The following ANTXRL variants were observed in gnomAD, a reference collection of about 807,000 sequenced individuals.
ANTXRL encodes the protein ANTXR like.
In ANTXRL, 63 loss-of-function variants were observed where a neutral mutation model predicts 75.4. That is an observed-to-expected ratio of 0.84 (90% confidence interval 0.68 to 1.03). ANTXRL has a LOEUF of 1.03. Ranked by LOEUF, ANTXRL falls within the 50% of genes least tolerant of loss-of-function variation. ANTXRL has a pLI of 0.00. For synonymous variants in ANTXRL, 335 were observed against 291.3 expected (o/e 1.15, Z -1.53); for missense variants, 797 against 789.4 (o/e 1.01, Z -0.12).
chr10:46,313,717 C>T (rs1255951482), intron 16 of ANTXRL, among the ~76,000 whole-genome samples: 30 of 152,162 alleles, frequency 2.0e-4, no homozygotes, highest in African/African-American at 6.8e-4. Flanking sequence ...CAGTAATGTA[C>T]GCAGTCCTCC....
intron 15 of ANTXRL, among the ~76,000 whole-genome samples, chr10:46,312,646 C>T (rs1409350571): frequency 2.7e-5 from 4 of 146,660 alleles, no homozygotes; most frequent in African/African-American, 1.0e-4. Context: ...CACCTGCCAG[C>T]GGCCTGCACT....
chr10:46,316,314 G>A (rs1838721824), intron 16 of ANTXRL, among the ~76,000 whole-genome samples: 1 of 151,998 alleles, frequency 6.6e-6, no homozygotes, highest in African/African-American at 2.4e-5. Context: ...CTTAAGGTGG[G>A]CCAGACACTG....
At chr10:46,289,179 C>T (rs58273609) in intron 1 of ANTXRL, among the ~76,000 whole-genome samples, 5,074 of 152,204 alleles carry the variant, frequency 0.033, 186 homozygotes, top group East Asian at 0.12. Flanking sequence ...TCATTATTCA[C>T]TTGTTCATTG....
In ANTXRL at chr10:46,306,581, T is replaced by TC. The variant is rs112369794; in HGVS notation, c.896-220dup. The stretch of plus-strand genomic sequence containing the variant: ...GTCCCGTGCAATCCCTAAAGGTGAG[T>TC]CCTTGAGAGCAGGGACTCTGCCTGC... On this transcript the variant is annotated intron_variant, in intron 10 of 16. Coordinates refer to ENST00000620264, the MANE Select transcript of ANTXRL (RefSeq NM_001278688.3). Among the ~76,000 whole-genome samples the TC allele has an allele frequency of 3.8e-3, 576 of 151,854 alleles. 5 individuals carry two copies. The highest frequency in any genetic ancestry group is 0.013 in the African/African-American group (549 of 41,186).
chr10:46,324,163 G>T (rs1839104357), intron 16 of ANTXRL, among the ~76,000 whole-genome samples: 1 of 152,122 alleles, frequency 6.6e-6, no homozygotes, highest in Non-Finnish European at 1.5e-5. Context: ...GAGTGGGAGA[G>T]CATAACAGGT....
In ANTXRL at chr10:46,314,199, T is replaced by C. The variant is rs537791647; in HGVS notation, c.1410+883T>C. Among the ~76,000 whole-genome samples, 25 of 152,206 alleles carry C rather than the reference T, an allele frequency of 1.6e-4. 1 individual carries two copies. Among genetic ancestry groups the C allele is most frequent in the Middle Eastern group, 6.8e-3 (2 of 294 alleles). On this transcript the variant is annotated intron_variant, in intron 16 of 16. Transcript: ENST00000620264. ...GCCTCTGGATGCTGCTGATAAGAAA[T>C]GGGCCGGGAGCCCCTGGGAGGCGTG...
chr10:46,310,593 A>G, intron 14 of ANTXRL, 94 bp downstream of exon 14: 1 of 1,323,014 alleles, frequency 7.6e-7, no homozygotes, highest in South Asian at 1.3e-5. Flanking sequence ...CATGATCTCC[A>G]TCTGCTTGAG....
chr10:46,291,466 C>A (rs1588782161), intron 1 of ANTXRL, among the ~76,000 whole-genome samples: 2 of 151,416 alleles, frequency 1.3e-5, no homozygotes, highest in South Asian at 4.2e-4. Context: ...TTTATTTCTG[C>A]AAAAAATGCT....
chr10:46,326,148 G>T (rs1216596604), intron 16 of ANTXRL, among the ~76,000 whole-genome samples: 2 of 151,814 alleles, frequency 1.3e-5, no homozygotes, highest in Non-Finnish European at 2.9e-5. Context: ...AATGTTAGTG[G>T]ACTCATAGTA....
At chr10:46,294,745 G>A (rs1376604576) in intron 3 of ANTXRL, among the ~76,000 whole-genome samples, 1 of 152,182 alleles carries the variant, frequency 6.6e-6, no homozygotes, top group Non-Finnish European at 1.5e-5. Flanking sequence ...ACCCAGACGG[G>A]GAGCGGGGTT....
intron 9 of ANTXRL, among the ~76,000 whole-genome samples, chr10:46,302,340 AC>A (rs1837801876): frequency 6.6e-6 from 1 of 152,070 alleles, no homozygotes; most frequent in Non-Finnish European, 1.5e-5. Flanking sequence ...CTCCGCTTAC[AC>A]CTGACATCAG....
Position 46,290,717 on chromosome 10 carries a change from A to C in ANTXRL, c.249-1341A>C, listed in dbSNP as rs1836948743. On this transcript the variant is annotated intron_variant, in intron 1 of 16. Transcript: ENST00000620264. ...GCATCTTTTCATGTGCTTATTGGCC[A>C]TTTGCATATCTTCTTTGAGGAAATG... Among the ~76,000 whole-genome samples, 3 of 152,094 alleles carry C rather than the reference A, an allele frequency of 2.0e-5. No individual in the cohort carries two copies. In the South Asian group the frequency reaches 6.2e-4, roughly 31 times the overall value.
chr10:46,295,414 G>C, intron 3 of ANTXRL, among the ~76,000 whole-genome samples: 1 of 151,712 alleles, frequency 6.6e-6, no homozygotes, highest in Non-Finnish European at 1.5e-5. Context: ...ATTGACAGTG[G>C]CTGACTCTCA....
At chr10:46,307,618 A>G (rs1349775641) in intron 12 of ANTXRL, 138 bp downstream of exon 12, 74 of 836,774 alleles carry the variant, frequency 8.8e-5, no homozygotes, top group Non-Finnish European at 1.2e-4. Flanking sequence ...GGCTGCTCCA[A>G]CCCGGCTTCT....
rs1167200423 is a variant in ANTXRL at position 46,313,260 on chromosome 10, C to T, written c.1354C>T (p.Leu452Phe). Residue 452 changes from leucine (L) to phenylalanine (F), a missense_variant, in exon 16 of 17, where the codon CTC (leucine) becomes TTC (phenylalanine). Leu to Phe is a conservative substitution (Grantham distance 22). This residue lies in a region of ANTXRL where 479 missense variants were observed against 422.0 expected (regional missense o/e 1.14). Coordinates refer to ENST00000620264, the MANE Select transcript of ANTXRL (RefSeq NM_001278688.3). ...GGGCAATCTGGATACCTTTTGTGAC[C>T]TCTCTCACGCAAGCTGCCACCAGGT... The part of the protein sequence containing the change: ...IEGNLDTFCD[L>F]SHASCHQVPW... The T allele has an allele frequency of 1.3e-6, 2 of 1,535,742 alleles. No homozygotes were observed. Among genetic ancestry groups the T allele is most frequent in the Non-Finnish European group, 1.7e-6 (2 of 1,146,738 alleles).
intron 3 of ANTXRL, among the ~76,000 whole-genome samples, chr10:46,294,329 G>A (rs1588794705): frequency 6.6e-6 from 1 of 152,122 alleles, no homozygotes; most frequent in Admixed American, 6.5e-5. Flanking sequence ...GCTGGTGGTG[G>A]GAGTAGTGGG....
intron 14 of ANTXRL, among the ~76,000 whole-genome samples, chr10:46,311,150 A>C (rs9663162): frequency 0.18 from 27,518 of 151,790 alleles, 2,130 homozygotes; most frequent in Middle Eastern, 0.2. Context: ...GGAACAGGCA[A>C]CCCTGGCCAA....
chr10:46,287,233 G>A lies in ANTXRL; in HGVS notation c.-30G>A. The A allele has an allele frequency of 1.3e-6, 2 of 1,532,968 alleles. No homozygotes were observed. The highest frequency in any genetic ancestry group is 1.7e-6 in the Non-Finnish European group (2 of 1,145,454). 95.0% of individuals were successfully genotyped at this position (1,532,968 alleles called of 1,614,324 possible). ...TGGGCCCTGGCACAGGCACCCAAGA[G>A]TGAGGTGGGGTCACAGGGACAGCCA... On this transcript the variant is annotated 5_prime_UTR_variant, in exon 1 of 17. It adds an upstream start codon to the 5' untranslated region. Transcript: ENST00000620264.
intron 10 of ANTXRL, among the ~76,000 whole-genome samples, 172 bp downstream of exon 10, chr10:46,302,992 T>C (rs1161670810): frequency 6.6e-6 from 1 of 152,042 alleles, no homozygotes; most frequent in Non-Finnish European, 1.5e-5. Context: ...CACCCCTCCC[T>C]TCATCTGCCA....
Sources: allele counts gnomAD v4.1 joint callset (sites outside exome capture counted in the v4.1 genomes callset), GRCh38; gene constraint gnomAD v4.1.1; regional missense constraint gnomAD v4.1.1; transcripts MANE v1.5; gene names NCBI Gene and HGNC (gene_info 2026-07-23, HGNC 2026-07-21).